ITFG1: variants seen among roughly 807,000 people sequenced by gnomAD.
ITFG1 encodes T-cell immunomodulatory protein.
ITFG1 carries 34 observed loss-of-function variants against 81.8 expected under a neutral mutation model. The observed-to-expected ratio is 0.42, with a 90% CI of 0.32 to 0.55. The LOEUF (loss-of-function observed/expected upper bound fraction) is 0.55, where lower values mean the gene tolerates loss of function less well. ITFG1 is among the 20% of genes least tolerant of loss of function. ITFG1 has a pLI of 0.17. For synonymous variants in ITFG1, 285 were observed against 270.6 expected (o/e 1.05, Z -0.52); for missense variants, 672 against 755.4 (o/e 0.89, Z 1.29).
chr16:47,265,597 A>G (rs1966267020), intron 10 of ITFG1, among the ~76,000 whole-genome samples: 1 of 152,200 alleles, frequency 6.6e-6, no homozygotes, highest in Non-Finnish European at 1.5e-5. Flanking sequence ...ATAGACTAGG[A>G]TAAGTTAAAG....
chr16:47,401,765 T>G (rs1180124781), intron 6 of ITFG1, among the ~76,000 whole-genome samples: 1 of 152,106 alleles, frequency 6.6e-6, no homozygotes, highest in Non-Finnish European at 1.5e-5. Flanking sequence ...TAAAAAAAAA[T>G]CAGAGACCTC....
In ITFG1 at chr16:47,451,438, C is replaced by T. The variant is rs753710523; in HGVS notation, c.518G>A (p.Gly173Asp). The change falls in exon 5 of 18, where the codon GGT becomes GAT. Residue 173 changes from glycine to aspartate, a missense_variant. Coordinates refer to ENST00000320640, the MANE Select transcript of ITFG1 (RefSeq NM_030790.5). ...TGGCTGGTTGGATTCATTTGTGATACCAAAAATATCAGGAATTAGATCACC... is the reference window on the plus strand; with the variant it reads ...TGGCTGGTTGGATTCATTTGTGATATCAAAAATATCAGGAATTAGATCACC... ...FNGDLIPDIF[G>D]ITNESNQPQI... 1.6e-5 allele frequency: 25 copies of T among 1,585,554 alleles called. No individual in the cohort carries two copies. Among genetic ancestry groups the T allele is most frequent in the African/African-American group, 2.7e-5 (2 of 74,152 alleles).
chr16:47,349,009 C>T (rs981252222), intron 8 of ITFG1, among the ~76,000 whole-genome samples: 16 of 152,124 alleles, frequency 1.1e-4, no homozygotes, highest in South Asian at 2.1e-4. Flanking sequence ...CAAGCAAATG[C>T]TGAGAGATTT....
At chr16:47,414,013 GTT>G (rs1372397870) in intron 6 of ITFG1, among the ~76,000 whole-genome samples, 1 of 151,646 alleles carries the variant, frequency 6.6e-6, no homozygotes, top group African/African-American at 2.4e-5. Flanking sequence ...TAGAGTCGGG[GTT>G]TCACCATGTT....
At chr16:47,164,117 C>T (rs1225284254) in intron 14 of ITFG1, among the ~76,000 whole-genome samples, 2 of 150,428 alleles carry the variant, frequency 1.3e-5, no homozygotes, top group Non-Finnish European at 3.0e-5. Flanking sequence ...ATATTGATAA[C>T]TCTGGTATCG....
intron 6 of ITFG1, among the ~76,000 whole-genome samples, chr16:47,395,385 T>C (rs1968581275): frequency 6.6e-6 from 1 of 152,246 alleles, no homozygotes; most frequent in Admixed American, 6.5e-5. Flanking sequence ...TTTATGTTCA[T>C]TGGCATAATA....
At chr16:47,285,192 A>C (rs565337689) in intron 10 of ITFG1, among the ~76,000 whole-genome samples, 7 of 152,224 alleles carry the variant, frequency 4.6e-5, no homozygotes, top group African/African-American at 1.7e-4. Context: ...AGACACTCCC[A>C]TGAGAGAGTC....
chr16:47,184,127 G>T (rs1965174660), intron 14 of ITFG1, among the ~76,000 whole-genome samples: 1 of 152,192 alleles, frequency 6.6e-6, no homozygotes, highest in Non-Finnish European at 1.5e-5. Flanking sequence ...ATGGGAATAT[G>T]TGAAAAGACC....
At chr16:47,452,034 TAAC>T (rs1270792701) in intron 4 of ITFG1, among the ~76,000 whole-genome samples, 1 of 152,156 alleles carries the variant, frequency 6.6e-6, no homozygotes, top group African/African-American at 2.4e-5. Context: ...TTGAATATTT[TAAC>T]AACAATGAAA....
chr16:47,404,485 T>C lies in ITFG1; in HGVS notation c.655+24319A>G, dbSNP rs554941508. 3.3e-5 allele frequency among the ~76,000 whole-genome samples: 5 copies of C among 152,294 alleles called. No homozygotes were observed. In the South Asian group the frequency reaches 1.0e-3, roughly 32 times the overall value. On this transcript the variant is annotated intron_variant, in intron 6 of 17. Transcript: ENST00000320640. ...AACATATTAGAGATATAAAGACTAATAAATACCCTATTCCCTTAACAAACA... is the reference window on the plus strand; with the variant it reads ...AACATATTAGAGATATAAAGACTAACAAATACCCTATTCCCTTAACAAACA...
rs566698614 is a variant in ITFG1, at chr16:47,181,467, C to G, written c.1454-18803G>C. Among the ~76,000 whole-genome samples, 4 of 147,446 alleles carry G rather than the reference C, an allele frequency of 2.7e-5. No individual in the cohort carries two copies. In the South Asian group the frequency reaches 8.6e-4, roughly 32 times the overall value. On this transcript the variant is annotated intron_variant, in intron 14 of 17. Transcript: ENST00000320640. ...GAGGGAGGTGGGGGGGGTCAGCCCC[C>G]CCGCCCGGCCAGCCGCCCCGTCCGG...
intron 10 of ITFG1, among the ~76,000 whole-genome samples, chr16:47,285,553 T>C (rs546186376): frequency 3.9e-5 from 6 of 152,288 alleles, no homozygotes; most frequent in Admixed American, 2.6e-4. Context: ...TATGTGGCAG[T>C]GGTCTTGGGG....
At chr16:47,441,808 T>C (rs1450893501) in intron 5 of ITFG1, among the ~76,000 whole-genome samples, 1 of 152,040 alleles carries the variant, frequency 6.6e-6, no homozygotes, top group Non-Finnish European at 1.5e-5. Flanking sequence ...CTATTCAACA[T>C]AGTGTTGGAA....
intron 14 of ITFG1, among the ~76,000 whole-genome samples, chr16:47,172,220 C>A (rs1964971290): frequency 6.6e-6 from 1 of 152,166 alleles, no homozygotes; most frequent in African/African-American, 2.4e-5. Flanking sequence ...TGTGGTGGCT[C>A]ACACCTGTAA....
At chr16:47,382,695 A>C (rs1190942572) in intron 6 of ITFG1, among the ~76,000 whole-genome samples, 1 of 152,210 alleles carries the variant, frequency 6.6e-6, no homozygotes, top group African/African-American at 2.4e-5. Context: ...TATTTATTTC[A>C]GATTGTATAT....
Position 47,203,655 on chromosome 16 carries a change from G to A in ITFG1, c.1453+15213C>T, listed in dbSNP as rs573912911. Among the ~76,000 whole-genome samples, 3 of 152,314 alleles carry A rather than the reference G, an allele frequency of 2.0e-5. No homozygotes were observed. In the South Asian group the frequency reaches 6.2e-4, roughly 32 times the overall value. On this transcript the variant is annotated intron_variant, in intron 14 of 17. Transcript: ENST00000320640. ...ATCTAATGCAGCGGCTGATCTGACA[G>A]GAGGCAGAGCTCAGGCTATAATGTG... is the stretch of plus-strand genomic sequence containing the variant.
At chr16:47,394,902 A>G (rs1006675562) in intron 6 of ITFG1, among the ~76,000 whole-genome samples, 2 of 152,160 alleles carry the variant, frequency 1.3e-5, no homozygotes, top group Admixed American at 1.3e-4. Flanking sequence ...CATTTATGAA[A>G]AAAATTAGTT....
chr16:47,165,916 C>T (rs1330600414), intron 14 of ITFG1, among the ~76,000 whole-genome samples: 5 of 152,206 alleles, frequency 3.3e-5, no homozygotes, highest in Admixed American at 3.3e-4. Flanking sequence ...CAAAGACTGA[C>T]TTAACAGAAG....
intron 14 of ITFG1, among the ~76,000 whole-genome samples, chr16:47,188,493 C>G (rs1352339227): frequency 6.6e-6 from 1 of 150,590 alleles, no homozygotes; most frequent in East Asian, 2.0e-4. Context: ...AATCATCATT[C>G]TCAGTAAACT....
Sources: gnomAD v4.1 joint callset for allele counts (sites outside exome capture counted in the v4.1 genomes callset) on GRCh38, gnomAD v4.1.1 for gene constraint, MANE v1.5 for transcripts, NCBI Gene and HGNC (gene_info 2026-07-23, HGNC 2026-07-21) for gene names.